Variants in ANKRD11 observed in about 807,000 individuals in gnomAD.
The protein encoded by ANKRD11 is ankyrin repeat domain-containing protein 11.
ANKRD11 carries 17 observed loss-of-function variants against 195.7 expected under a neutral mutation model. The ratio of observed to expected loss-of-function variants is 0.09; its 90% CI spans 0.06 to 0.13. The LOEUF (loss-of-function observed/expected upper bound fraction) is 0.13. ANKRD11 is among the 10% of genes least tolerant of loss of function. The probability of loss-of-function intolerance (pLI) is 1.00; values close to 1 mark genes in which losing one functional copy is unlikely to be tolerated. For missense variants in ANKRD11, 3,735 were observed against 3,566.1 expected (o/e 1.05, Z -1.21); for synonymous variants, 1,953 against 1,528.1 (o/e 1.28, Z -6.49).
chr16:89,344,107 C>T (rs1340874344), intron 2 of ANKRD11, among the ~76,000 whole-genome samples: 1 of 152,204 alleles, frequency 6.6e-6, no homozygotes, highest in Non-Finnish European at 1.5e-5. Flanking sequence ...TCAATCTCCT[C>T]ATCTATAGGC....
At chr16:89,321,695 A>C (rs898783838) in intron 2 of ANKRD11, among the ~76,000 whole-genome samples, 2 of 151,506 alleles carry the variant, frequency 1.3e-5, no homozygotes, top group African/African-American at 4.9e-5. Flanking sequence ...TAATCTTAAA[A>C]CTCACAGAAA....
intron 3 of ANKRD11, among the ~76,000 whole-genome samples, chr16:89,305,711 GCGCC>G (rs2036165451): frequency 8.4e-6 from 1 of 118,542 alleles, no homozygotes; most frequent in Non-Finnish European, 1.7e-5. Flanking sequence ...CCGCAGACAC[GCGCC>G]ACCTCCCACT....
At chr16:89,423,232 C>T (rs1402922117) in intron 1 of ANKRD11, among the ~76,000 whole-genome samples, 3 of 152,248 alleles carry the variant, frequency 2.0e-5, no homozygotes, top group African/African-American at 7.2e-5. Flanking sequence ...GAGCTATGAC[C>T]TTATGCAAAC....
At chr16:89,313,737 T>C (rs2151907765) in intron 3 of ANKRD11, 1 of 524,126 alleles carries the variant, frequency 1.9e-6, no homozygotes, top group Non-Finnish European at 3.2e-6. Flanking sequence ...GGGGCTCACT[T>C]CCTCCCTAAG....
Position 89,291,656 on chromosome 16 carries a change from C to T in ANKRD11, c.227-473G>A. ...CACAGTTTAAAACACATCAGTAAAT[C>T]AAGGCCAACTGGTCAGTACTGTACC... On this transcript the variant is annotated intron_variant, in intron 4 of 12. Coordinates refer to ENST00000301030, the MANE Select transcript of ANKRD11 (RefSeq NM_013275.6). The surrounding 1 kb of genome is among the most constrained non-coding windows in gnomAD (Gnocchi z 5.3). 7.8e-7 allele frequency: 1 copy of T among 1,288,540 alleles called. No homozygotes were observed. Among genetic ancestry groups the T allele is most frequent in the Non-Finnish European group, 1.0e-6 (1 of 987,496 alleles). 79.8% of individuals were successfully genotyped at this position (1,288,540 alleles called of 1,614,324 possible).
At chr16:89,395,011 A>G (rs1246576536) in intron 2 of ANKRD11, among the ~76,000 whole-genome samples, 2 of 152,238 alleles carry the variant, frequency 1.3e-5, no homozygotes, top group African/African-American at 4.8e-5. Flanking sequence ...TCACGGTATG[A>G]TTTTAAGTCA....
chr16:89,370,569 C>G (rs1052023257), intron 2 of ANKRD11: 4 of 152,420 alleles, frequency 2.6e-5, no homozygotes, highest in South Asian at 2.1e-4. Context: ...GCAGCGACCA[C>G]AGGGCCTTCC....
At chr16:89,441,091 C>A (rs1483787243) in intron 1 of ANKRD11, among the ~76,000 whole-genome samples, 2 of 151,802 alleles carry the variant, frequency 1.3e-5, no homozygotes, top group Non-Finnish European at 2.9e-5. Context: ...CAAAAATTAG[C>A]CGGGCGTGGT....
chr16:89,429,086 G>A (rs923216090), intron 1 of ANKRD11, among the ~76,000 whole-genome samples: 1 of 151,890 alleles, frequency 6.6e-6, no homozygotes, highest in African/African-American at 2.4e-5. Flanking sequence ...CCTGCAGCGT[G>A]GGATTCTCAA....
chr16:89,331,588 A>G lies in ANKRD11; in HGVS notation c.-59-14510T>C, dbSNP rs117111698. Among the ~76,000 whole-genome samples, 235 of 152,300 alleles carry G rather than the reference A, an allele frequency of 1.5e-3. 12 individuals carry two copies. In the East Asian group the frequency reaches 0.044, roughly 28 times the overall value. On this transcript the variant is annotated intron_variant, in intron 2 of 12. Transcript: ENST00000301030. ...GCTGGGTGTGTGGTGACACTGAGAAAGTTCAAGGCACCCAGCGATTCAGGA... is the reference window on the plus strand; with the variant it reads ...GCTGGGTGTGTGGTGACACTGAGAAGGTTCAAGGCACCCAGCGATTCAGGA...
intron 2 of ANKRD11, among the ~76,000 whole-genome samples, chr16:89,339,447 G>T (rs2038549013): frequency 6.6e-6 from 1 of 151,922 alleles, no homozygotes; most frequent in Non-Finnish European, 1.5e-5. Flanking sequence ...AAAGCCCCAT[G>T]GTCCGAGGAG....
intron 3 of ANKRD11, chr16:89,313,439 T>A (rs2036733114): frequency 7.8e-7 from 1 of 1,289,064 alleles, no homozygotes; most frequent in East Asian, 5.5e-5. Context: ...GCCCTTTCTC[T>A]GACACGCCTG....
At chr16:89,473,528 C>G (rs1567854482) in intron 1 of ANKRD11, among the ~76,000 whole-genome samples, 1 of 152,318 alleles carries the variant, frequency 6.6e-6, no homozygotes, top group East Asian at 1.9e-4. Context: ...CCCAAGTGTC[C>G]CATCCACCCA....
intron 1 of ANKRD11, among the ~76,000 whole-genome samples, chr16:89,486,585 G>C (rs1312473956): frequency 6.6e-6 from 1 of 152,188 alleles, no homozygotes; most frequent in Non-Finnish European, 1.5e-5. Context: ...ACAAACTATG[G>C]CACATGGCCC....
At chr16:89,337,184 T>TCAAAAAA (rs893878715) in intron 2 of ANKRD11, among the ~76,000 whole-genome samples, 4 of 151,732 alleles carry the variant, frequency 2.6e-5, no homozygotes, top group African/African-American at 9.7e-5. Flanking sequence ...AGACCCTGTC[T>TCAAAAAA]CAAAAAACAA....
At chr16:89,451,908 C>A (rs988386985) in intron 1 of ANKRD11, among the ~76,000 whole-genome samples, 2 of 152,034 alleles carry the variant, frequency 1.3e-5, no homozygotes, top group Non-Finnish European at 1.5e-5. Context: ...GAAATAAAAT[C>A]CTAAAAAATC....
At chr16:89,342,470 A>C (rs1001806614) in intron 2 of ANKRD11, among the ~76,000 whole-genome samples, 16 of 152,352 alleles carry the variant, frequency 1.1e-4, no homozygotes, top group African/African-American at 3.8e-4. Flanking sequence ...AACAGGAACA[A>C]GGCAAAGCGT....
chr16:89,330,512 G>T (rs1288294165), intron 2 of ANKRD11, among the ~76,000 whole-genome samples: 1 of 152,210 alleles, frequency 6.6e-6, no homozygotes, highest in South Asian at 2.1e-4. Flanking sequence ...GAGGGTCCCC[G>T]TGACGTGGCA....
At chr16:89,420,299 G>A (rs1004186122) in intron 1 of ANKRD11, 1 of 152,192 alleles carries the variant, frequency 6.6e-6, no homozygotes, top group African/African-American at 2.4e-5. Context: ...CCAACGATTT[G>A]CAAGCTCACT....
Sources: allele counts gnomAD v4.1 joint callset (sites outside exome capture counted in the v4.1 genomes callset), GRCh38; gene constraint gnomAD v4.1.1; non-coding constraint Gnocchi (gnomAD v3.1); transcripts MANE v1.5; gene names NCBI Gene and HGNC (gene_info 2026-07-23, HGNC 2026-07-21).